The following VDAC1 variants were observed in gnomAD, a reference collection of about 807,000 sequenced individuals.
The protein encoded by VDAC1 is voltage dependent anion channel 1.
Under a neutral mutation model 34.7 loss-of-function variants are expected in VDAC1, and 10 were observed. That is an observed-to-expected ratio of 0.29 (90% confidence interval 0.18 to 0.49). VDAC1 has a LOEUF of 0.49. Ranked by LOEUF, VDAC1 falls within the 20% of genes least tolerant of loss-of-function variation. VDAC1 has a pLI of 0.99. For synonymous variants in VDAC1, 130 were observed against 136.0 expected (o/e 0.96, Z 0.30); for missense variants, 230 against 347.9 (o/e 0.66, Z 2.69).
chr5:134,012,263 C>T, the VDAC1 span, among the ~76,000 whole-genome samples: 7 of 152,300 alleles, frequency 4.6e-5, no homozygotes, highest in Non-Finnish European at 7.4e-5. Context: ...TGATTTCAGA[C>T]TCCTGACCTC....
chr5:134,068,252 T>A, the VDAC1 span, among the ~76,000 whole-genome samples: 1 of 152,334 alleles, frequency 6.6e-6, no homozygotes, highest in African/African-American at 2.4e-5. Context: ...ATTGTTGTTG[T>A]TTTATACACA....
the VDAC1 span, among the ~76,000 whole-genome samples, chr5:134,087,826 A>C: frequency 6.0e-5 from 9 of 150,134 alleles, no homozygotes; most frequent in South Asian, 1.9e-3. Flanking sequence ...ACTGCACTCC[A>C]GTCTGGGAGA....
the VDAC1 span, among the ~76,000 whole-genome samples, chr5:134,039,360 C>T: frequency 2.0e-5 from 3 of 152,042 alleles, no homozygotes; most frequent in East Asian, 1.9e-4. Context: ...ACGGAGTCTC[C>T]CTCTGTCGCC....
chr5:134,034,188 AAAAAT>A, the VDAC1 span, among the ~76,000 whole-genome samples: 1 of 152,154 alleles, frequency 6.6e-6, no homozygotes, highest in African/African-American at 2.4e-5. Context: ...CGCAAAAAAA[AAAAAT>A]AAAAAGAACT....
At chr5:134,056,968 C>T in the VDAC1 span, among the ~76,000 whole-genome samples, 4 of 152,162 alleles carry the variant, frequency 2.6e-5, no homozygotes, top group African/African-American at 9.7e-5. Context: ...GGATTACAGG[C>T]GTGAGCCACC....
At chr5:134,059,101 C>A in the VDAC1 span, among the ~76,000 whole-genome samples, 3 of 152,202 alleles carry the variant, frequency 2.0e-5, no homozygotes, top group Non-Finnish European at 2.9e-5. Context: ...AAATTACAGG[C>A]CTTCTGTCCT....
upstream of VDAC1, among the ~76,000 whole-genome samples, chr5:134,007,731 G>A (rs114003708): frequency 5.5e-4 from 83 of 152,286 alleles, no homozygotes; most frequent in African/African-American, 2.0e-3. Context: ...CATCCCTGTC[G>A]GTGTTGCGAA....
chr5:133,998,965 GCCC>G (rs547409462), intron 1 of VDAC1, among the ~76,000 whole-genome samples: 1 of 152,072 alleles, frequency 6.6e-6, no homozygotes, highest in East Asian at 1.9e-4. Flanking sequence ...CACCTACCAG[GCCC>G]CCGCCTGGTA....
the VDAC1 span, among the ~76,000 whole-genome samples, chr5:134,077,371 A>T: frequency 6.6e-6 from 1 of 152,168 alleles, no homozygotes; most frequent in Non-Finnish European, 1.5e-5. Context: ...GGCACAGGAA[A>T]AAAAACTTCA....
In VDAC1 at chr5:133,988,573, G is replaced by A. The variant is rs555830578; in HGVS notation, c.323+2282C>T. ...AGGTCAGAAGTTCAAGACCAGCCTG[G>A]CCAATACGGTGAAACCCCCGTCTCC... On this transcript the variant is annotated intron_variant, in intron 5 of 8. Transcript: ENST00000265333. Among the ~76,000 whole-genome samples the A allele has an allele frequency of 3.3e-5, 5 of 152,154 alleles. No homozygotes were observed. In the East Asian group the frequency reaches 9.7e-4, roughly 29 times the overall value.
the VDAC1 span, among the ~76,000 whole-genome samples, chr5:134,027,238 A>G: frequency 3.5e-4 from 54 of 152,266 alleles, 1 homozygote; most frequent in African/African-American, 1.1e-3. Context: ...ACGTCCCTGG[A>G]TCAGGGGCCC....
At chr5:134,106,824 C>A in the VDAC1 span, among the ~76,000 whole-genome samples, 1 of 152,196 alleles carries the variant, frequency 6.6e-6, no homozygotes, top group Non-Finnish European at 1.5e-5. Flanking sequence ...GTGGCGGGAG[C>A]AAAATGGAAA....
At position 133,991,107 on chromosome 5, in the gene VDAC1, C is replaced by A. The variant is rs556113860; in HGVS notation, c.165G>T (p.Thr55=). 1 of 1,613,484 alleles carries A rather than the reference C, an allele frequency of 6.2e-7. No individual in the cohort carries two copies. The highest frequency in any genetic ancestry group is 1.3e-5 in the African/African-American group (1 of 74,908). The stretch of plus-strand genomic sequence containing the variant: ...ATCTGTACTTGGTTTCCAGACTGCC[C>A]GTCACTTTGGTGGTCTCAGTGTTGG... ...GSANTETTKV[T]GSLETKYRWT... Residue 55 remains threonine (T), a synonymous_variant, in exon 4 of 9, where the codon ACG becomes ACT. Transcript: ENST00000265333.
At chr5:134,015,511 G>C in the VDAC1 span, among the ~76,000 whole-genome samples, 1 of 152,178 alleles carries the variant, frequency 6.6e-6, no homozygotes, top group African/African-American at 2.4e-5. Context: ...AAGCCACCCA[G>C]TCTATGGCAT....
upstream of VDAC1, chr5:134,005,093 T>A (rs1423725228): frequency 6.6e-6 from 1 of 152,166 alleles, no homozygotes; most frequent in Non-Finnish European, 1.5e-5. Flanking sequence ...GAGGAGGCCT[T>A]CCGATTCTCT....
chr5:133,980,155 G>A (rs985156562), intron 6 of VDAC1, among the ~76,000 whole-genome samples: 1 of 152,190 alleles, frequency 6.6e-6, no homozygotes, highest in African/African-American at 2.4e-5. Flanking sequence ...CAAGATTCAT[G>A]AATGAAATGT....
At chr5:134,113,035 A>G in the VDAC1 span, among the ~76,000 whole-genome samples, 1 of 152,024 alleles carries the variant, frequency 6.6e-6, no homozygotes, top group Non-Finnish European at 1.5e-5. Flanking sequence ...CCTATGCCAG[A>G]CCCTACCTAT....
At chr5:133,994,621 C>T (rs192013817) in intron 1 of VDAC1, among the ~76,000 whole-genome samples, 2 of 152,236 alleles carry the variant, frequency 1.3e-5, no homozygotes, top group East Asian at 3.9e-4. Context: ...ACCAGGAAAC[C>T]ACCCACCAGA....
At chr5:133,980,002 C>G (rs1182284059) in intron 6 of VDAC1, among the ~76,000 whole-genome samples, 1 of 152,176 alleles carries the variant, frequency 6.6e-6, no homozygotes, top group Non-Finnish European at 1.5e-5. Context: ...ACATTAATAT[C>G]ACTGATTTGC....
Sources: gnomAD v4.1 joint callset for allele counts (sites outside exome capture counted in the v4.1 genomes callset) on GRCh38, gnomAD v4.1.1 for gene constraint, MANE v1.5 for transcripts, NCBI Gene and HGNC (gene_info 2026-07-23, HGNC 2026-07-21) for gene names.